Variants in CA10 observed in about 807,000 individuals in gnomAD.
The protein encoded by CA10 is carbonic anhydrase-related protein 10.
In CA10, 14 loss-of-function variants were observed where a neutral mutation model predicts 44.2. The observed-to-expected ratio is 0.32, with a 90% CI of 0.21 to 0.50. CA10 has a LOEUF of 0.50. Ranked by LOEUF, CA10 falls within the 20% of genes least tolerant of loss-of-function variation. CA10 has a pLI of 0.99. For synonymous variants in CA10, 159 were observed against 141.6 expected (o/e 1.12, Z -0.87); for missense variants, 350 against 409.7 (o/e 0.85, Z 1.26).
intron 2 of CA10, among the ~76,000 whole-genome samples, chr17:51,951,466 C>T (rs1983478432): frequency 6.6e-6 from 1 of 152,118 alleles, no homozygotes; most frequent in Admixed American, 6.6e-5. Context: ...ACTTAATTAT[C>T]TTATAACTCT....
At chr17:52,004,827 C>T (rs1598161958) in intron 2 of CA10, among the ~76,000 whole-genome samples, 1 of 151,636 alleles carries the variant, frequency 6.6e-6, no homozygotes, top group South Asian at 2.1e-4. Flanking sequence ...CAGACCAATC[C>T]CATCCTCTAA....
Position 51,884,232 on chromosome 17 carries a change from C to A in CA10, c.279+46758G>T, listed in dbSNP as rs550338735. ...GACACCTGGACTCAGTCTTTGAGAA[C>A]CTTCAGTAATTTTCAACACAGAGTG... On this transcript the variant is annotated intron_variant, in intron 3 of 8. Transcript: ENST00000451037. 7.9e-5 allele frequency among the ~76,000 whole-genome samples: 12 copies of A among 152,284 alleles called. No homozygotes were observed. In the East Asian group the frequency reaches 9.6e-4, roughly 12 times the overall value.
At chr17:52,033,490 C>T (rs1239763273) in intron 2 of CA10, among the ~76,000 whole-genome samples, 8 of 149,912 alleles carry the variant, frequency 5.3e-5, no homozygotes, top group Admixed American at 3.3e-4. Flanking sequence ...TTTATCATAG[C>T]GAAAAATTAG....
intron 4 of CA10, among the ~76,000 whole-genome samples, chr17:51,742,732 A>T (rs749083193): frequency 6.6e-6 from 1 of 152,200 alleles, no homozygotes. Flanking sequence ...TCCTATCTAT[A>T]TCACCATAGC....
At chr17:52,023,552 C>A (rs1053241546) in intron 2 of CA10, among the ~76,000 whole-genome samples, 3 of 151,944 alleles carry the variant, frequency 2.0e-5, no homozygotes, top group Admixed American at 1.3e-4. Flanking sequence ...TGGACATGGC[C>A]TTAGCAAAGA....
intron 3 of CA10, among the ~76,000 whole-genome samples, chr17:51,813,055 A>G (rs1907432239): frequency 6.6e-6 from 1 of 152,230 alleles, no homozygotes; most frequent in Non-Finnish European, 1.5e-5. Flanking sequence ...ACTAAATCGG[A>G]TAATAGAAGA....
chr17:51,915,916 C>A, intron 3 of CA10, among the ~76,000 whole-genome samples: 1 of 151,650 alleles, frequency 6.6e-6, no homozygotes, highest in East Asian at 1.9e-4. Context: ...CAGCATGGAC[C>A]CAAACTGCTT....
At chr17:51,717,490 C>A (rs1157717837) in intron 4 of CA10, among the ~76,000 whole-genome samples, 2 of 142,776 alleles carry the variant, frequency 1.4e-5, no homozygotes, top group Non-Finnish European at 3.0e-5. Context: ...GTGGAACCAA[C>A]CCAAATGCCC....
intron 2 of CA10, among the ~76,000 whole-genome samples, chr17:52,029,026 C>T (rs1986384468): frequency 6.6e-6 from 1 of 152,200 alleles, no homozygotes; most frequent in African/African-American, 2.4e-5. Context: ...TCTAAAACTA[C>T]TGGATAATTC....
intron 4 of CA10, among the ~76,000 whole-genome samples, chr17:51,735,989 C>T (rs771582837): frequency 2.0e-5 from 3 of 152,072 alleles, no homozygotes; most frequent in Non-Finnish European, 2.9e-5. Flanking sequence ...CGTTCTAGAC[C>T]ATTTTGGTCA....
At chr17:51,680,883 T>C (rs902417485) in intron 4 of CA10, among the ~76,000 whole-genome samples, 15 of 151,912 alleles carry the variant, frequency 9.9e-5, no homozygotes, top group Non-Finnish European at 1.5e-4. Context: ...ATTGATGCTA[T>C]TGCTTGGCAG....
At chr17:51,974,112 G>A (rs561402817) in intron 2 of CA10, among the ~76,000 whole-genome samples, 40 of 152,064 alleles carry the variant, frequency 2.6e-4, no homozygotes, top group Non-Finnish European at 4.3e-4. Context: ...TAGGCTGGGC[G>A]CGGTGGCTCA....
At chr17:51,879,760 T>C (rs566879501) in intron 3 of CA10, among the ~76,000 whole-genome samples, 2 of 152,228 alleles carry the variant, frequency 1.3e-5, no homozygotes, top group Admixed American at 1.3e-4. Context: ...AGAAATGAAA[T>C]GCAAAAAGTC....
intron 1 of CA10, among the ~76,000 whole-genome samples, chr17:52,108,766 G>C (rs1988727805): frequency 6.7e-6 from 1 of 149,804 alleles, no homozygotes; most frequent in African/African-American, 2.4e-5. Context: ...CGGGGGAAGA[G>C]TGGGAGGGCG....
chr17:51,801,525 T>C (rs1906931613), intron 3 of CA10, among the ~76,000 whole-genome samples: 1 of 152,000 alleles, frequency 6.6e-6, no homozygotes, highest in Non-Finnish European at 1.5e-5. Context: ...TTGTCTTCCA[T>C]ATACGTGAAT....
chr17:51,970,025 A>G (rs573941293), intron 2 of CA10, among the ~76,000 whole-genome samples: 36 of 152,138 alleles, frequency 2.4e-4, no homozygotes, highest in Non-Finnish European at 4.3e-4. Context: ...CTCAAAGAAT[A>G]GCTAGCTCAA....
At chr17:51,640,497 C>T (rs982434642) in intron 6 of CA10, among the ~76,000 whole-genome samples, 10 of 152,258 alleles carry the variant, frequency 6.6e-5, no homozygotes, top group Non-Finnish European at 1.2e-4. Context: ...TGAGTCAGTG[C>T]GCATTTAACG....
chr17:51,849,536 T>G (rs1388414541), intron 3 of CA10, among the ~76,000 whole-genome samples: 1 of 151,962 alleles, frequency 6.6e-6, no homozygotes, highest in African/African-American at 2.4e-5. Flanking sequence ...GCTTCACCAT[T>G]CATTAGCTGT....
chr17:52,081,749 G>A (rs1181491542), intron 1 of CA10, among the ~76,000 whole-genome samples: 2 of 146,454 alleles, frequency 1.4e-5, no homozygotes, highest in African/African-American at 2.5e-5. Flanking sequence ...GCAGTGAGCC[G>A]AGATCCCGCC....
Sources: allele counts gnomAD v4.1 joint callset (sites outside exome capture counted in the v4.1 genomes callset), GRCh38; gene constraint gnomAD v4.1.1; transcripts MANE v1.5; gene names NCBI Gene and HGNC (gene_info 2026-07-23, HGNC 2026-07-21).